MTM1: variants seen among roughly 807,000 people sequenced by gnomAD.
MTM1 encodes the protein myotubularin 1, also known as myotubularin.
Under a neutral mutation model 52.1 loss-of-function variants are expected in MTM1, and 9 were observed. The observed-to-expected ratio is 0.17, with a 90% CI of 0.10 to 0.30. The LOEUF (loss-of-function observed/expected upper bound fraction) is 0.30, where lower values mean the gene tolerates loss of function less well. Ranked by LOEUF, MTM1 falls within the 10% of genes least tolerant of loss-of-function variation. MTM1 has a pLI of 1.00. For synonymous variants in MTM1, 136 were observed against 163.8 expected, an observed-to-expected ratio of 0.83 and a Z score of 1.29; for missense variants, 277 against 470.7, an observed-to-expected ratio of 0.59 and a Z score of 3.81.
Position 150,645,945 on chromosome X carries a change from C to T in MTM1, c.867+74C>T, listed in dbSNP as rs781849816. The T allele has an allele frequency of 5.1e-5, 51 of 993,619 alleles. 1 individual carries two copies. The South Asian group carries it at 9.2e-4, about 18-fold the overall frequency. The allele number at this position is 993,619 out of a possible 1,213,427, so 81.9% of individuals were successfully genotyped here. A position where few individuals can be genotyped will look rare whatever the true frequency, so the allele number is the denominator to read the frequency against. The stretch of plus-strand genomic sequence containing the variant: ...CAGTGTTTTCTGTGAATGTTTTTGC[C>T]ATGATATAGAAACACGTGGGTTTAA... On this transcript the variant is annotated intron_variant, in intron 9 of 14. Transcript: ENST00000370396.
intron 4 of MTM1, among the ~76,000 whole-genome samples, chrX:150,613,297 C>T (rs2039324352): frequency 9.0e-6 from 1 of 111,222 alleles, no homozygotes; most frequent in Non-Finnish European, 1.9e-5. Flanking sequence ...ATGGTGTAGC[C>T]CTTCATGTCT....
chrX:150,670,421 G>A (rs1250842061), intron 14 of MTM1, among the ~76,000 whole-genome samples: 2 of 112,175 alleles, frequency 1.8e-5, no homozygotes, highest in African/African-American at 6.5e-5. Flanking sequence ...GCACACAGAA[G>A]GTGAGGGGGC....
chrX:150,672,443 T>C lies in MTM1; in HGVS notation c.*848T>C, dbSNP rs1268413765. ...ATGTTGCTCTAGTCAGTCCAGCTCA[T>C]CTGCCAAAATGTAGGGCTACCGTCT... On this transcript the variant is annotated 3_prime_UTR_variant, in exon 15 of 15. Coordinates refer to ENST00000370396, the MANE Select transcript of MTM1 (RefSeq NM_000252.3). 2.7e-5 allele frequency: 3 copies of C among 111,935 alleles called. No individual in the cohort carries two copies. The highest frequency in any genetic ancestry group is 5.6e-5 in the Non-Finnish European group (3 of 53,233). 9.2% of individuals were successfully genotyped at this position (111,935 alleles called of 1,213,427 possible).
Position 150,639,084 on chromosome X carries a change from A to G in MTM1, c.528+58A>G. ...ATGAACCTGAAACATGCATTATGAC[A>G]GTATGTCATCAGCCATGCTTTCTGA... On this transcript the variant is annotated intron_variant, in intron 7 of 14. Transcript: ENST00000370396. The G allele has an allele frequency of 6.5e-6, 6 of 917,205 alleles. No individual in the cohort carries two copies. The South Asian group carries it at 7.9e-5, about 12-fold the overall frequency. The allele number at this position is 917,205 out of a possible 1,213,427, so 75.6% of individuals were successfully genotyped here.
chrX:150,643,338 A>G (rs1277543481), intron 8 of MTM1, among the ~76,000 whole-genome samples: 3 of 112,020 alleles, frequency 2.7e-5, no homozygotes, highest in Non-Finnish European at 5.6e-5. Flanking sequence ...CCATTAATGG[A>G]TATGTATTCT....
At chrX:150,652,365 C>G (rs2040035084) in intron 10 of MTM1, among the ~76,000 whole-genome samples, 2 of 107,671 alleles carry the variant, frequency 1.9e-5, no homozygotes, top group Admixed American at 1.0e-4. Flanking sequence ...AAAACTCAGA[C>G]AAACAAACAA....
intron 14 of MTM1, among the ~76,000 whole-genome samples, chrX:150,666,899 C>A (rs2148519031): frequency 9.0e-6 from 1 of 111,574 alleles, no homozygotes; most frequent in South Asian, 3.8e-4. Flanking sequence ...AGGAGAGCTT[C>A]TTGGGCTCTG....
At chrX:150,584,504 A>G (rs1472438477) in intron 1 of MTM1, among the ~76,000 whole-genome samples, 1 of 111,174 alleles carries the variant, frequency 9.0e-6, no homozygotes, top group African/African-American at 3.3e-5. Context: ...AACTTCTCCA[A>G]AGTCATGAAA....
intron 6 of MTM1, among the ~76,000 whole-genome samples, chrX:150,621,279 CT>C (rs1358781212): frequency 6.3e-5 from 7 of 110,356 alleles, no homozygotes; most frequent in Admixed American, 5.8e-4. Context: ...AGTTCCCCCC[CT>C]GCTATTCCTC....
rs1557414126 is a variant in MTM1, at chrX:150,649,802, G to C, written c.954G>C (p.Arg318=). Residue 318 remains arginine, a synonymous_variant, in exon 10 of 15, where the codon CGG becomes CGC. Coordinates refer to ENST00000370396, the MANE Select transcript of MTM1 (RefSeq NM_000252.3). ...FLDIHNIHVM[R]ESLKKVKDIV... is the part of the protein sequence containing the mutation. ...ACATTCATAATATTCATGTTATGCG[G>C]GAATCTTTAAAAAAAGTGAAGGACA... 4 of 1,207,195 alleles carry C rather than the reference G, an allele frequency of 3.3e-6. No individual in the cohort carries two copies. Among genetic ancestry groups the C allele is most frequent in the Non-Finnish European group, 3.4e-6 (3 of 892,689 alleles).
At chrX:150,579,622 A>G (rs1387932964) in intron 1 of MTM1, among the ~76,000 whole-genome samples, 7 of 110,204 alleles carry the variant, frequency 6.4e-5, no homozygotes, top group African/African-American at 2.3e-4. Flanking sequence ...CAGCCTCTCA[A>G]GTAGCTGAAG....
At chrX:150,610,103 G>A (rs1445099607) in intron 4 of MTM1, among the ~76,000 whole-genome samples, 1 of 111,858 alleles carries the variant, frequency 8.9e-6, no homozygotes, top group African/African-American at 3.3e-5. Flanking sequence ...CCAATCTCCA[G>A]TTGCTCTTGA....
intron 4 of MTM1, among the ~76,000 whole-genome samples, chrX:150,612,963 GAC>G (rs1441727892): frequency 2.9e-5 from 3 of 104,592 alleles, no homozygotes; most frequent in African/African-American, 1.1e-4. Context: ...CAGCCTGGGT[GAC>G]AGAGTGAGAC....
At chrX:150,651,951 C>T (rs1156570269) in intron 10 of MTM1, among the ~76,000 whole-genome samples, 10 of 110,645 alleles carry the variant, frequency 9.0e-5, no homozygotes, top group African/African-American at 2.3e-4. Flanking sequence ...GGTTTATTAG[C>T]GAGGTCCTTT....
intron 7 of MTM1, among the ~76,000 whole-genome samples, chrX:150,640,012 C>T (rs1265583566): frequency 9.0e-6 from 1 of 111,273 alleles, no homozygotes; most frequent in Non-Finnish European, 1.9e-5. Context: ...AGCTTTAGAA[C>T]ATATGTGACA....
intron 4 of MTM1, among the ~76,000 whole-genome samples, chrX:150,612,749 C>T (rs1345478540): frequency 1.8e-5 from 2 of 110,926 alleles, no homozygotes; most frequent in Non-Finnish European, 3.8e-5. Context: ...TTTGGGAGGC[C>T]GAGGCAGGTG....
intron 1 of MTM1, among the ~76,000 whole-genome samples, chrX:150,574,324 A>G (rs1002488784): frequency 2.7e-4 from 30 of 111,265 alleles, no homozygotes; most frequent in African/African-American, 9.5e-4. Flanking sequence ...AGCTGGTGAA[A>G]CAGGCAGAAT....
intron 1 of MTM1, among the ~76,000 whole-genome samples, chrX:150,583,063 T>G (rs1376784831): frequency 2.9e-4 from 26 of 88,714 alleles, no homozygotes; most frequent in African/African-American, 9.7e-4. Context: ...AATTTATAAT[T>G]TATATATTTA....
At chrX:150,583,856 AAAATATATATT>A (rs1163005371) in intron 1 of MTM1, among the ~76,000 whole-genome samples, 4 of 50,137 alleles carry the variant, frequency 8.0e-5, no homozygotes, top group South Asian at 2.2e-3. Flanking sequence ...TCAAATATAT[AAAATATATATT>A]AAATATATAT....
Sources: allele counts gnomAD v4.1 joint callset (sites outside exome capture counted in the v4.1 genomes callset), GRCh38; gene constraint gnomAD v4.1.1; transcripts MANE v1.5; gene names NCBI Gene and HGNC (gene_info 2026-07-23, HGNC 2026-07-21).